GABRA5: variants seen among roughly 807,000 people sequenced by gnomAD.
The protein encoded by GABRA5 is gamma-aminobutyric acid type A receptor subunit alpha5, also known as gamma-aminobutyric acid receptor subunit alpha-5.
A neutral mutation model predicts 47.3 loss-of-function variants in GABRA5; 18 were observed. The ratio of observed to expected loss-of-function variants is 0.38; its 90% confidence interval spans 0.26 to 0.56. The LOEUF (loss-of-function observed/expected upper bound fraction) is 0.56, where lower values mean the gene tolerates loss of function less well. GABRA5 is among the 20% of genes least tolerant of loss of function. The pLI is 0.71. For synonymous variants in GABRA5, 237 were observed against 229.3 expected (o/e 1.03, Z -0.30); for missense variants, 365 against 599.3 (o/e 0.61, Z 4.08).
rs924774723 is a variant in GABRA5 at position 26,867,082 on chromosome 15, C to G, written c.-169C>G. 6.6e-6 allele frequency: 1 copy of G among 152,258 alleles called. No individual in the cohort carries two copies. Among genetic ancestry groups the G allele is most frequent in the African/African-American group, 2.4e-5 (1 of 41,422 alleles). The allele number at this position is 152,258 out of a possible 1,614,324, so 9.4% of individuals were successfully genotyped here. On this transcript the variant is annotated 5_prime_UTR_variant, in exon 1 of 11. Transcript: ENST00000335625. The surrounding 1 kb of genome is among the most constrained non-coding windows in gnomAD (Gnocchi z 5.9). ...CCTCTGCAGAGGGCCGATCCTCCAG[C>G]CCAGAGACGACATGTGGCGCTCGGG... is the stretch of plus-strand genomic sequence containing the variant.
rs537154195 is a variant in GABRA5 at position 26,924,927 on chromosome 15, C to A, written c.580+10042C>A. The stretch of plus-strand genomic sequence containing the variant: ...ACCAGACAGTCACCACTAGGCCATC[C>A]CTTCGGTTCCAAGACCTATCTGCCT... On this transcript the variant is annotated intron_variant, in intron 7 of 10. Coordinates refer to ENST00000335625, the MANE Select transcript of GABRA5 (RefSeq NM_000810.4). 1.1e-4 allele frequency among the ~76,000 whole-genome samples: 16 copies of A among 152,238 alleles called. No homozygotes were observed. In the South Asian group the frequency reaches 3.3e-3, roughly 32 times the overall value.
chr15:26,941,458 T>G (rs1250146373), intron 9 of GABRA5, among the ~76,000 whole-genome samples: 2 of 152,044 alleles, frequency 1.3e-5, no homozygotes, highest in African/African-American at 4.8e-5. Context: ...AATCAAAGAT[T>G]TCTATTGATT....
At position 26,869,414 on chromosome 15, in the gene GABRA5, C is replaced by G. The variant is rs898952946; in HGVS notation, c.86+80C>G. 20 of 874,094 alleles carry G rather than the reference C, an allele frequency of 2.3e-5. No individual in the cohort carries two copies. The Admixed American group carries it at 2.4e-4, about 10-fold the overall frequency. The allele number at this position is 874,094 out of a possible 1,614,324, so 54.1% of individuals were successfully genotyped here. A position where few individuals can be genotyped will look rare whatever the true frequency, so the allele number is the denominator to read the frequency against. ...AGACATGTTACGGGAGCAGCACATC[C>G]ATTGAGCAAGTCCTCGCCTGCCACC... On this transcript the variant is annotated intron_variant, in intron 3 of 10. Coordinates refer to ENST00000335625, the MANE Select transcript of GABRA5 (RefSeq NM_000810.4).
intron 7 of GABRA5, among the ~76,000 whole-genome samples, chr15:26,933,939 T>A (rs1894168712): frequency 1.3e-5 from 2 of 152,126 alleles, no homozygotes; most frequent in African/African-American, 4.8e-5. Flanking sequence ...GCAGATGGTG[T>A]CATTGGGGTG....
chr15:26,943,121 G>A (rs533909713), intron 9 of GABRA5, 94 bp from the exon 10 acceptor site: 1 of 791,940 alleles, frequency 1.3e-6, no homozygotes, highest in African/African-American at 1.8e-5. Flanking sequence ...AGTCCCCTTT[G>A]TGTCTATCAC....
intron 8 of GABRA5, among the ~76,000 whole-genome samples, chr15:26,937,535 T>C (rs939263817): frequency 3.3e-5 from 5 of 152,158 alleles, no homozygotes; most frequent in Non-Finnish European, 5.9e-5. Context: ...TGCCCCTCCC[T>C]GCAGCTGCAC....
chr15:26,939,801 G>C (rs1239336326), intron 8 of GABRA5, 124 bp from the exon 9 acceptor site: 33 of 914,140 alleles, frequency 3.6e-5, no homozygotes, highest in Middle Eastern at 4.5e-4. Flanking sequence ...CCTTAACCCA[G>C]ATCATACAAA....
chr15:26,918,574 C>T (rs1335432185), intron 7 of GABRA5, among the ~76,000 whole-genome samples: 1 of 152,160 alleles, frequency 6.6e-6, no homozygotes, highest in Non-Finnish European at 1.5e-5. Flanking sequence ...TATTATTGCA[C>T]TGCTGTTTCT....
chr15:26,883,576 C>CGCGGGGGGGGGGG lies in GABRA5; in HGVS notation c.497+20_497+21insCGGGGGGGGGGGG. 1 of 495,472 alleles carries CGCGGGGGGGGGGG rather than the reference C, an allele frequency of 2.0e-6. No homozygotes were observed. The highest frequency in any genetic ancestry group is 3.8e-6 in the Non-Finnish European group (1 of 266,044). The allele number at this position is 495,472 out of a possible 1,614,324, so 30.7% of individuals were successfully genotyped here. On this transcript the variant is annotated intron_variant, in intron 6 of 10. Coordinates refer to ENST00000335625, the MANE Select transcript of GABRA5 (RefSeq NM_000810.4). This position sits in a 1 kb window ranked among gnomAD's most constrained non-coding sequence, Gnocchi z 4.8. ...CCATGCGGTGAGCGCCGGGCGGGGG[C>CGCGGGGGGGGGGG]GGGCGGGGCCGGGGGACGGTGCGGG...
rs879138755 is a variant in GABRA5, at chr15:26,939,028, C to G, written c.725-897C>G. Among the ~76,000 whole-genome samples the G allele has an allele frequency of 2.6e-5, 4 of 152,338 alleles. 1 individual carries two copies. In the South Asian group the frequency reaches 8.3e-4, roughly 32 times the overall value. On this transcript the variant is annotated intron_variant, in intron 8 of 10. Transcript: ENST00000335625. ...GCCTGCGCTGATGGAGCCCCCAAAG[C>G]CTGTTCTCCCCACGTTCACAGTGCA...
intron 6 of GABRA5, among the ~76,000 whole-genome samples, chr15:26,889,775 CAT>C (rs1892961516): frequency 6.6e-6 from 1 of 152,090 alleles, no homozygotes; most frequent in African/African-American, 2.4e-5. Flanking sequence ...ATTTATAAAA[CAT>C]AGAAAATTAC....
chr15:26,914,741 G>C (rs1025675815), intron 6 of GABRA5, 62 bp from the exon 7 acceptor site: 2 of 1,275,614 alleles, frequency 1.6e-6, no homozygotes, highest in African/African-American at 2.9e-5. Context: ...GGACACGATG[G>C]TGGCTCAGTG....
rs558447736 is a variant in GABRA5 at position 26,870,527 on chromosome 15, C to T, written c.86+1193C>T. ...AGTGTGTGCACTCTAACCACACTGA[C>T]GGGAACAGGTGTGTGGCATGTCTCA... is the stretch of plus-strand genomic sequence containing the variant. On this transcript the variant is annotated intron_variant, in intron 3 of 10. Transcript: ENST00000335625. Among the ~76,000 whole-genome samples the T allele has an allele frequency of 4.6e-5, 7 of 152,330 alleles. No individual in the cohort carries two copies. In the South Asian group the frequency reaches 1.0e-3, roughly 23 times the overall value.
chr15:26,875,648 TTGA>T (rs1294063917), intron 3 of GABRA5, among the ~76,000 whole-genome samples: 3 of 152,002 alleles, frequency 2.0e-5, no homozygotes, highest in Non-Finnish European at 2.9e-5. Context: ...AGGTGCATGC[TTGA>T]TGTGTTAGGA....
chr15:26,892,114 G>T (rs1820219981), intron 6 of GABRA5, among the ~76,000 whole-genome samples: 1 of 152,238 alleles, frequency 6.6e-6, no homozygotes, highest in African/African-American at 2.4e-5. Context: ...CTTGGCAGAG[G>T]CCTCCGTGCC....
At position 26,883,278 on chromosome 15, in the gene GABRA5, C is replaced by T. The variant is rs1892782569; in HGVS notation, c.276+45C>T. The stretch of plus-strand genomic sequence containing the variant: ...TGGGCAGACAATTCTTACTCCGCGC[C>T]GCAGGCCCCCGCCCAGGCCCCGTGC... On this transcript the variant is annotated intron_variant, in intron 5 of 10. Transcript: ENST00000335625. The surrounding 1 kb of genome is among the most constrained non-coding windows in gnomAD (Gnocchi z 4.8). 3 of 1,610,588 alleles carry T rather than the reference C, an allele frequency of 1.9e-6. No homozygotes were observed. The highest frequency in any genetic ancestry group is 2.5e-6 in the Non-Finnish European group (3 of 1,176,986).
intron 6 of GABRA5, among the ~76,000 whole-genome samples, chr15:26,909,644 G>A (rs1370643457): frequency 2.0e-5 from 3 of 152,078 alleles, no homozygotes; most frequent in Admixed American, 6.5e-5. Context: ...ACTTTGCACC[G>A]ACCTCTGCTT....
chr15:26,884,953 C>T (rs926667414), intron 6 of GABRA5, among the ~76,000 whole-genome samples: 3 of 152,172 alleles, frequency 2.0e-5, no homozygotes, highest in East Asian at 3.9e-4. Flanking sequence ...TCAGACCCTA[C>T]CTTCTGTGTA....
chr15:26,934,915 G>A (rs1894200999), intron 7 of GABRA5, among the ~76,000 whole-genome samples: 2 of 152,206 alleles, frequency 1.3e-5, no homozygotes, highest in South Asian at 2.1e-4. Context: ...TTCCAAGCCC[G>A]ATGCGAGTGA....
Sources: allele counts gnomAD v4.1 joint callset (sites outside exome capture counted in the v4.1 genomes callset), GRCh38; gene constraint gnomAD v4.1.1; non-coding constraint Gnocchi (gnomAD v3.1); transcripts MANE v1.5; gene names NCBI Gene and HGNC (gene_info 2026-07-23, HGNC 2026-07-21).